The following DLGAP1 variants were observed in gnomAD, a reference collection of about 807,000 sequenced individuals.
The protein encoded by DLGAP1 is disks large-associated protein 1.
Under a neutral mutation model 90.8 loss-of-function variants are expected in DLGAP1, and 11 were observed. The observed-to-expected ratio is 0.12, with a 90% confidence interval of 0.08 to 0.20. The LOEUF (loss-of-function observed/expected upper bound fraction) is 0.20, where lower values mean the gene tolerates loss of function less well. DLGAP1 is among the 10% of genes least tolerant of loss of function. DLGAP1 has a pLI of 1.00. For missense variants in DLGAP1, 1,050 were observed against 1,333.8 expected (o/e 0.79, Z 3.31); for synonymous variants, 558 against 540.7 (o/e 1.03, Z -0.44).
chr18:3,592,417 C>T (rs921083018), intron 7 of DLGAP1, among the ~76,000 whole-genome samples: 14 of 152,288 alleles, frequency 9.2e-5, no homozygotes, highest in African/African-American at 2.9e-4. Context: ...GGCAAAAATG[C>T]GCAAACCCTG....
intron 7 of DLGAP1, among the ~76,000 whole-genome samples, chr18:3,600,939 G>GATATAGATATAT (rs1568279481): frequency 7.2e-4 from 42 of 58,160 alleles, no homozygotes; most frequent in Non-Finnish European, 1.5e-3. Context: ...TAGATATATA[G>GATATAGATATAT]ATAGATATAT....
chr18:3,750,439 T>C (rs1014728202), intron 5 of DLGAP1, among the ~76,000 whole-genome samples: 1 of 152,242 alleles, frequency 6.6e-6, no homozygotes, highest in Non-Finnish European at 1.5e-5. Flanking sequence ...TACACGTGCA[T>C]GTGTCCTTTT....
chr18:3,900,889 C>A (rs2148879633), intron 3 of DLGAP1, among the ~76,000 whole-genome samples: 1 of 152,250 alleles, frequency 6.6e-6, no homozygotes, highest in Middle Eastern at 3.4e-3. Context: ...TCTGTCCAAG[C>A]CACCTCGCCT....
chr18:4,404,134 T>C (rs1231506015), intron 1 of DLGAP1, among the ~76,000 whole-genome samples: 1 of 152,200 alleles, frequency 6.6e-6, no homozygotes, highest in Admixed American at 6.5e-5. Context: ...GAAGGGAAGA[T>C]GGTGATAAAA....
At chr18:3,510,834 G>A (rs934501626) in intron 10 of DLGAP1, among the ~76,000 whole-genome samples, 1 of 152,224 alleles carries the variant, frequency 6.6e-6, no homozygotes, top group African/African-American at 2.4e-5. Context: ...AAAAGTAACT[G>A]AGTAAGACAG....
intron 7 of DLGAP1, among the ~76,000 whole-genome samples, chr18:3,719,341 C>G (rs434146): frequency 1.3e-5 from 2 of 151,592 alleles, no homozygotes; most frequent in African/African-American, 4.8e-5. Context: ...CCGGGGTGGG[C>G]GGATCACGAG....
intron 10 of DLGAP1, among the ~76,000 whole-genome samples, chr18:3,521,686 TCATTCTTTTCAA>T (rs2051199922): frequency 6.6e-6 from 1 of 152,206 alleles, no homozygotes; most frequent in Non-Finnish European, 1.5e-5. Flanking sequence ...TGCCTTTTCC[TCATTCTTTTCAA>T]CATGTTCTGT....
chr18:4,397,087 T>G (rs1258354956), intron 1 of DLGAP1, among the ~76,000 whole-genome samples: 1 of 152,168 alleles, frequency 6.6e-6, no homozygotes, highest in Non-Finnish European at 1.5e-5. Flanking sequence ...ACTCTGAGGC[T>G]CCATGCCTTT....
chr18:3,989,140 G>C (rs540353224), intron 3 of DLGAP1, among the ~76,000 whole-genome samples: 78 of 152,352 alleles, frequency 5.1e-4, no homozygotes, highest in African/African-American at 1.8e-3. Context: ...GCTGGCCATG[G>C]TTACCCAGTT....
rs546367066 is a variant in DLGAP1, at chr18:4,251,469, G to A, written c.-266-100182C>T. ...GTAACCAATGTCAGAGACAACCCAC[G>A]TACAACAATCTCCTTGGAGAGTTAT... On this transcript the variant is annotated intron_variant, in intron 1 of 12. Coordinates refer to ENST00000315677, the MANE Select transcript of DLGAP1 (RefSeq NM_004746.4). 1.4e-4 allele frequency among the ~76,000 whole-genome samples: 22 copies of A among 152,232 alleles called. No homozygotes were observed. In the South Asian group the frequency reaches 2.3e-3, roughly 16 times the overall value.
intron 2 of DLGAP1, among the ~76,000 whole-genome samples, chr18:4,097,082 A>G (rs905708234): frequency 5.9e-5 from 9 of 152,128 alleles, no homozygotes; most frequent in African/African-American, 2.2e-4. Flanking sequence ...TGCAGCACAG[A>G]CCCACATATA....
chr18:3,983,457 T>C (rs1264050931), intron 3 of DLGAP1: 1 of 152,164 alleles, frequency 6.6e-6, no homozygotes, highest in Non-Finnish European at 1.5e-5. Flanking sequence ...GATCTGTGGC[T>C]TGCCAGCTCA....
At position 4,011,745 on chromosome 18, in the gene DLGAP1, G is replaced by C. The variant is rs1382176857; in HGVS notation, c.-158-6544C>G. Among the ~76,000 whole-genome samples, 3 of 152,144 alleles carry C rather than the reference G, an allele frequency of 2.0e-5. No homozygotes were observed. The East Asian group carries it at 5.8e-4, about 29-fold the overall frequency. On this transcript the variant is annotated intron_variant, in intron 2 of 12. Transcript: ENST00000315677. The stretch of plus-strand genomic sequence containing the variant: ...AGGCTGAGGTGAGAAGTTCCTTTGA[G>C]CCTAGGAGGTCAAGCCTGCAGTGAG...
At chr18:4,308,794 C>A (rs1001084907) in intron 1 of DLGAP1, among the ~76,000 whole-genome samples, 1 of 152,184 alleles carries the variant, frequency 6.6e-6, no homozygotes, top group Non-Finnish European at 1.5e-5. Flanking sequence ...AAGCCTCAGG[C>A]GAAGAAGCTG....
At chr18:3,602,253 C>A (rs975483906) in intron 7 of DLGAP1, among the ~76,000 whole-genome samples, 2 of 152,078 alleles carry the variant, frequency 1.3e-5, no homozygotes, top group Non-Finnish European at 2.9e-5. Flanking sequence ...ACATTTCCCA[C>A]CCACCAGATA....
chr18:4,136,916 ATACTT>A (rs1299785448), intron 2 of DLGAP1, among the ~76,000 whole-genome samples: 6 of 151,920 alleles, frequency 3.9e-5, no homozygotes, highest in Non-Finnish European at 1.5e-5. Flanking sequence ...TTTTTTTATT[ATACTT>A]TAAGTTTTAG....
intron 4 of DLGAP1, among the ~76,000 whole-genome samples, chr18:3,831,706 G>T (rs2148560498): frequency 6.6e-6 from 1 of 152,318 alleles, no homozygotes; most frequent in South Asian, 2.1e-4. Flanking sequence ...TTAGAATTCA[G>T]ATCTCCTTTG....
At chr18:4,111,448 G>C (rs1425052250) in intron 2 of DLGAP1, among the ~76,000 whole-genome samples, 1 of 152,070 alleles carries the variant, frequency 6.6e-6, no homozygotes, top group Non-Finnish European at 1.5e-5. Context: ...AAGTTAGGAA[G>C]TGTTTTCTCT....
intron 1 of DLGAP1, among the ~76,000 whole-genome samples, chr18:4,270,414 G>A (rs752986492): frequency 5.9e-5 from 9 of 152,116 alleles, no homozygotes; most frequent in African/African-American, 1.2e-4. Context: ...TTTGGGAGGC[G>A]TATAAAACAT....
Sources: allele counts gnomAD v4.1 joint callset (sites outside exome capture counted in the v4.1 genomes callset), GRCh38; gene constraint gnomAD v4.1.1; transcripts MANE v1.5; gene names NCBI Gene and HGNC (gene_info 2026-07-23, HGNC 2026-07-21).